The following TMEM107 variants were observed in gnomAD, a reference collection of about 807,000 sequenced individuals.
The protein encoded by TMEM107 is transmembrane protein 107.
TMEM107 carries 18 observed loss-of-function variants against 16.8 expected under a neutral mutation model. That is an observed-to-expected ratio of 1.07 (90% CI 0.74 to 1.59). The LOEUF is 1.59. Among genes scored for constraint, TMEM107 ranks in the 40% most tolerant of loss-of-function variants. TMEM107 has a pLI of 0.00. For missense variants in TMEM107, 152 were observed against 175.4 expected (o/e 0.87, Z 0.75); for synonymous variants, 68 against 71.6 (o/e 0.95, Z 0.25).
Position 8,175,991 on chromosome 17 carries a change from G to C in TMEM107, c.123C>G (p.Phe41Leu). ...SNIQACLPLT[F>L]TPEEYDKQDI... Reference sequence around the variant, plus strand: ...CCTGCTTGTCATACTCCTCGGGGGTGAACGTGAGAGGCAGGCAGGCCTGTA... The same window carrying C: ...CCTGCTTGTCATACTCCTCGGGGGTCAACGTGAGAGGCAGGCAGGCCTGTA... Residue 41 changes from phenylalanine to leucine, a missense_variant, in exon 2 of 5, where the codon TTC becomes TTG. Coordinates refer to ENST00000437139, the MANE Select transcript of TMEM107 (RefSeq NM_183065.4). The C allele has an allele frequency of 6.2e-7, 1 of 1,614,250 alleles. No homozygotes were observed. The highest frequency in any genetic ancestry group is 8.5e-7 in the Non-Finnish European group (1 of 1,180,052).
intron 2 of TMEM107, 40 bp downstream of exon 2, chr17:8,175,916 CCCA>C (rs774145212): frequency 1.2e-6 from 2 of 1,614,156 alleles, no homozygotes; most frequent in East Asian, 4.5e-5. Flanking sequence ...CCCCTCCACT[CCCA>C]CCACCTCTTC....
rs770033444 is a variant in TMEM107 at position 8,175,683 on chromosome 17, A to AT, written c.256+73dup. 16 of 1,179,872 alleles carry AT rather than the reference A, an allele frequency of 1.4e-5. No homozygotes were observed. In the African/African-American group the frequency reaches 2.1e-4, roughly 16 times the overall value. The allele number at this position is 1,179,872 out of a possible 1,614,324, so 73.1% of individuals were successfully genotyped here. A position where few individuals can be genotyped will look rare whatever the true frequency, so the allele number is the denominator to read the frequency against. On this transcript the variant is annotated intron_variant, in intron 3 of 4. Transcript: ENST00000437139. ...GGAAGGATTGGCTACAGCAGACACTATTGTGTCAGGTGGCTGAAGGGAGTC... is the reference window on the plus strand; with the variant it reads ...GGAAGGATTGGCTACAGCAGACACTATTTGTGTCAGGTGGCTGAAGGGAGTC...
rs371689598 is a variant in TMEM107 at position 8,173,431 on chromosome 17, A to T, written c.*772T>A. 9.2e-6 allele frequency: 7 copies of T among 759,998 alleles called. No individual in the cohort carries two copies. The highest frequency in any genetic ancestry group is 8.5e-5 in the African/African-American group (5 of 59,052). 47.1% of individuals were successfully genotyped at this position (759,998 alleles called of 1,614,324 possible). ...GATATCTGCTAATCAGCATAACACAAATGTAAGTGATCGTCAGAAAGAATC... is the reference window on the plus strand; with the variant it reads ...GATATCTGCTAATCAGCATAACACATATGTAAGTGATCGTCAGAAAGAATC... On this transcript the variant is annotated 3_prime_UTR_variant, in exon 5 of 5. Transcript: ENST00000437139.
intron 3 of TMEM107, 41 bp from the exon 4 acceptor site, chr17:8,174,657 A>C: frequency 6.3e-7 from 1 of 1,577,328 alleles, no homozygotes; most frequent in Non-Finnish European, 8.7e-7. Context: ...TTGGATCGAC[A>C]GACAGTGATG....
In TMEM107 at chr17:8,175,526, C is replaced by A. The variant is rs143670779; in HGVS notation, c.256+231G>T. On this transcript the variant is annotated intron_variant, in intron 3 of 4. Transcript: ENST00000437139. ...TTCTCACTATGTTGCCTCCTGCCTG[C>A]GCCTCCCACAGTGCTGGGATTACAG... 994 of 619,640 alleles carry A rather than the reference C, an allele frequency of 1.6e-3. 11 individuals are homozygous for A. In the African/African-American group the frequency reaches 0.016, roughly 10 times the overall value. 38.4% of individuals were successfully genotyped at this position (619,640 alleles called of 1,614,324 possible).
Position 8,174,137 on chromosome 17 carries a change from T to C in TMEM107, c.*66A>G. 6.9e-7 allele frequency: 1 copy of C among 1,451,004 alleles called. No individual in the cohort carries two copies. The highest frequency in any genetic ancestry group is 9.7e-7 in the Non-Finnish European group (1 of 1,032,428). 89.9% of individuals were successfully genotyped at this position (1,451,004 alleles called of 1,614,324 possible). On this transcript the variant is annotated 3_prime_UTR_variant, in exon 5 of 5. Coordinates refer to ENST00000437139, the MANE Select transcript of TMEM107 (RefSeq NM_183065.4). ...AAAACCGAAGCCTATGCCTTCCTTCTTCCAGGAATACGAAGCGGCCCTTGC... is the reference window on the plus strand; with the variant it reads ...AAAACCGAAGCCTATGCCTTCCTTCCTCCAGGAATACGAAGCGGCCCTTGC...
chr17:8,173,206 A>T lies in TMEM107; in HGVS notation c.*997T>A. The stretch of plus-strand genomic sequence containing the variant: ...ATGTTTCCTGAGAAGTGAGGATTAA[A>T]GTTATCAAACGACAAAAAACAAAGA... On this transcript the variant is annotated 3_prime_UTR_variant, in exon 5 of 5. Coordinates refer to ENST00000437139, the MANE Select transcript of TMEM107 (RefSeq NM_183065.4). 2.4e-6 allele frequency: 1 copy of T among 414,186 alleles called. No homozygotes were observed. The highest frequency in any genetic ancestry group is 4.4e-6 in the Non-Finnish European group (1 of 225,790). The allele number at this position is 414,186 out of a possible 1,614,324, so 25.7% of individuals were successfully genotyped here. A position where few individuals can be genotyped will look rare whatever the true frequency, so the allele number is the denominator to read the frequency against.
chr17:8,176,158 A>T, intron 1 of TMEM107, 42 bp downstream of exon 1: 2 of 1,606,310 alleles, frequency 1.2e-6, no homozygotes, highest in South Asian at 2.2e-5. Context: ...GACCACTCAG[A>T]GATGGGAATG....
In TMEM107 at chr17:8,173,372, T is replaced by A. The variant is rs529968904; in HGVS notation, c.*831A>T. ...ACTGCAAAATAGACAAACAGCAAGG[T>A]TATCCCAGTCAGAACTTCATAGCTA... On this transcript the variant is annotated 3_prime_UTR_variant, in exon 5 of 5. Transcript: ENST00000437139. 7 of 662,954 alleles carry A rather than the reference T, an allele frequency of 1.1e-5. No individual in the cohort carries two copies. Among genetic ancestry groups the A allele is most frequent in the East Asian group, 2.7e-5 (1 of 37,676 alleles). The allele number at this position is 662,954 out of a possible 1,614,324, so 41.1% of individuals were successfully genotyped here. A position where few individuals can be genotyped will look rare whatever the true frequency, so the allele number is the denominator to read the frequency against.
rs550912686 is a variant in TMEM107, at chr17:8,173,590, C to G, written c.*613G>C. 5.1e-5 allele frequency: 39 copies of G among 763,468 alleles called. No individual in the cohort carries two copies. The highest frequency in any genetic ancestry group is 1.0e-4 in the Admixed American group (6 of 58,772). 47.3% of individuals were successfully genotyped at this position (763,468 alleles called of 1,614,324 possible). A position where few individuals can be genotyped will look rare whatever the true frequency, so the allele number is the denominator to read the frequency against. ...GTAAGGATTATCCCACCTGACGATA[C>G]AGACAAACAGCCGACATTCTGCACT... On this transcript the variant is annotated 3_prime_UTR_variant, in exon 5 of 5. Transcript: ENST00000437139.
chr17:8,176,079 G>A (rs1984111702), intron 1 of TMEM107, 53 bp from the exon 2 acceptor site: 1 of 1,612,042 alleles, frequency 6.2e-7, no homozygotes, highest in Non-Finnish European at 8.5e-7. Context: ...TGCAGGGCAG[G>A]CCTGGGGGCG....
In TMEM107 at chr17:8,173,494, G is replaced by T. The variant is rs749380587; in HGVS notation, c.*709C>A. 7 of 764,960 alleles carry T rather than the reference G, an allele frequency of 9.2e-6. No homozygotes were observed. Among genetic ancestry groups the T allele is most frequent in the African/African-American group, 3.4e-5 (2 of 59,124 alleles). 47.4% of individuals were successfully genotyped at this position (764,960 alleles called of 1,614,324 possible). ...TCAGGGTGTTGCAAGTCCTGATTACGCAGAGACGTTAATCACGTTTCATGC... is the reference window on the plus strand; with the variant it reads ...TCAGGGTGTTGCAAGTCCTGATTACTCAGAGACGTTAATCACGTTTCATGC... On this transcript the variant is annotated 3_prime_UTR_variant, in exon 5 of 5. Coordinates refer to ENST00000437139, the MANE Select transcript of TMEM107 (RefSeq NM_183065.4).
rs1443368701 is a variant in TMEM107 at position 8,174,038 on chromosome 17, C to G, written c.*165G>C. 1 of 631,682 alleles carries G rather than the reference C, an allele frequency of 1.6e-6. No homozygotes were observed. Among genetic ancestry groups the G allele is most frequent in the Non-Finnish European group, 2.9e-6 (1 of 349,810 alleles). 39.1% of individuals were successfully genotyped at this position (631,682 alleles called of 1,614,324 possible). ...ATATTTTATTACAAAGCACTAAATA[C>G]AATGCGGATAATCCCAGACTCAAGA... is the stretch of plus-strand genomic sequence containing the variant. On this transcript the variant is annotated 3_prime_UTR_variant, in exon 5 of 5. Transcript: ENST00000437139.
rs982727026 is a variant in TMEM107 at position 8,173,804 on chromosome 17, G to A, written c.*399C>T. ...AGAATGCTCCGATCAGTTACGTGCC[G>A]GACGTTCTAACTGTACGCACTTTCT... On this transcript the variant is annotated 3_prime_UTR_variant, in exon 5 of 5. Transcript: ENST00000437139. The A allele has an allele frequency of 7.7e-6, 4 of 516,934 alleles. No homozygotes were observed. The highest frequency in any genetic ancestry group is 3.2e-5 in the East Asian group (1 of 31,598). 32.0% of individuals were successfully genotyped at this position (516,934 alleles called of 1,614,324 possible).
rs930903276 is a variant in TMEM107, at chr17:8,173,207, G to A, written c.*996C>T. The A allele has an allele frequency of 7.2e-6, 3 of 415,630 alleles. No homozygotes were observed. The highest frequency in any genetic ancestry group is 1.3e-5 in the Non-Finnish European group (3 of 226,840). The allele number at this position is 415,630 out of a possible 1,614,324, so 25.7% of individuals were successfully genotyped here. On this transcript the variant is annotated 3_prime_UTR_variant, in exon 5 of 5. Transcript: ENST00000437139. ...TGTTTCCTGAGAAGTGAGGATTAAA[G>A]TTATCAAACGACAAAAAACAAAGAG...
intron 2 of TMEM107, 48 bp from the exon 3 acceptor site, chr17:8,175,905 A>G: frequency 6.2e-7 from 1 of 1,613,162 alleles, no homozygotes. Flanking sequence ...TTATTCTAAG[A>G]CCCCTCCACT....
rs1457023137 is a variant in TMEM107, at chr17:8,173,885, T to C, written c.*318A>G. 4.1e-6 allele frequency: 2 copies of C among 487,850 alleles called. No individual in the cohort carries two copies. The highest frequency in any genetic ancestry group is 3.8e-5 in the Admixed American group (1 of 26,626). The allele number at this position is 487,850 out of a possible 1,614,324, so 30.2% of individuals were successfully genotyped here. On this transcript the variant is annotated 3_prime_UTR_variant, in exon 5 of 5. Coordinates refer to ENST00000437139, the MANE Select transcript of TMEM107 (RefSeq NM_183065.4). ...CAGGCACCTACCGTAGTAACCAAAA[T>C]AGAAGCGATACCAAGTATCTTACGG...
Position 8,173,759 on chromosome 17 carries a change from G to A in TMEM107, c.*444C>T. 1 of 551,354 alleles carries A rather than the reference G, an allele frequency of 1.8e-6. No individual in the cohort carries two copies. Among genetic ancestry groups the A allele is most frequent in the Non-Finnish European group, 3.2e-6 (1 of 310,082 alleles). The allele number at this position is 551,354 out of a possible 1,614,324, so 34.2% of individuals were successfully genotyped here. A position where few individuals can be genotyped will look rare whatever the true frequency, so the allele number is the denominator to read the frequency against. On this transcript the variant is annotated 3_prime_UTR_variant, in exon 5 of 5. Transcript: ENST00000437139. ...TTTTTTTTCATTCGGCTGCCGAAAA[G>A]GAATAAATTACTTCTTCCCAGAATG...
rs149176359 is a variant in TMEM107, at chr17:8,173,594, C to CA, written c.*608dup. On this transcript the variant is annotated 3_prime_UTR_variant, in exon 5 of 5. Transcript: ENST00000437139. The stretch of plus-strand genomic sequence containing the variant: ...GGATTATCCCACCTGACGATACAGA[C>CA]AAACAGCCGACATTCTGCACTCAGT... 11,557 of 762,538 alleles carry CA rather than the reference C, an allele frequency of 0.015. 142 individuals carry two copies. The highest frequency in any genetic ancestry group is 0.064 in the Middle Eastern group (285 of 4,420). 47.2% of individuals were successfully genotyped at this position (762,538 alleles called of 1,614,324 possible). A position where few individuals can be genotyped will look rare whatever the true frequency, so the allele number is the denominator to read the frequency against.
Sources: gnomAD v4.1 joint callset for allele counts on GRCh38, gnomAD v4.1.1 for gene constraint, MANE v1.5 for transcripts, NCBI Gene and HGNC (gene_info 2026-07-23, HGNC 2026-07-21) for gene names.